GLDN: variants seen among roughly 807,000 people sequenced by gnomAD.
GLDN encodes gliomedin, also known as collomin.
In GLDN, 47 loss-of-function variants were observed where a neutral mutation model predicts 56.5. That is an observed-to-expected ratio of 0.83 (90% CI 0.66 to 1.06). The LOEUF (loss-of-function observed/expected upper bound fraction) is 1.06, where lower values mean the gene tolerates loss of function less well. Among genes scored for constraint, GLDN ranks in the 50% least tolerant of loss-of-function variants. GLDN has a pLI of 0.00. For missense variants in GLDN, 782 were observed against 714.3 expected, an observed-to-expected ratio of 1.09 and a Z score of -1.08; for synonymous variants, 332 against 278.8, an observed-to-expected ratio of 1.19 and a Z score of -1.90.
At chr15:51,367,524 G>GCGGAGC (rs1370987659) in intron 1 of GLDN, 1 of 152,222 alleles carries the variant, frequency 6.6e-6, no homozygotes, top group East Asian at 1.9e-4. Context: ...AATGATGGAG[G>GCGGAGC]CGGAGCGGGA....
rs1249655214 is a variant in GLDN at position 51,400,254 on chromosome 15, G to A, written c.880G>A (p.Glu294Lys). Residue 294 changes from glutamate to lysine, a missense_variant, in exon 7 of 10, where the codon GAA becomes AAA. By Grantham distance (56) the Glu-to-Lys change is moderately conservative (BLOSUM62 1). Transcript: ENST00000335449. ...TGGAAAAGCTGATGAGAAAGCCAGTGAACACCATTCCCCACAAGCAGGTAT... is the reference window on the plus strand; with the variant it reads ...TGGAAAAGCTGATGAGAAAGCCAGTAAACACCATTCCCCACAAGCAGGTAT... ...LVGKADEKAS[E>K]HHSPQAESMI... is the part of the protein sequence containing the mutation. 1.9e-6 allele frequency: 3 copies of A among 1,614,066 alleles called. No homozygotes were observed. Among genetic ancestry groups the A allele is most frequent in the South Asian group, 2.2e-5 (2 of 91,068 alleles).
chr15:51,395,789 C>G (rs1321325646), intron 5 of GLDN, among the ~76,000 whole-genome samples: 1 of 152,108 alleles, frequency 6.6e-6, no homozygotes, highest in Non-Finnish European at 1.5e-5. Context: ...GCTTATAGTT[C>G]TGTAGGCTGT....
Position 51,341,713 on chromosome 15 carries a change from G to C in GLDN, c.29G>C (p.Gly10Ala). ...GCCCGAGGCGCTGAGGGAGGCCGTG[G>C]GGACGCGGGTTGGGGCCTGCGTGGC... MARGAEGGRGDAGWGLRGAL... is the reference protein window; with the variant it reads MARGAEGGRADAGWGLRGAL... Residue 10 changes from glycine (G) to alanine (A), a missense_variant, in exon 1 of 10, where the codon GGG becomes GCG. Coordinates refer to ENST00000335449, the MANE Select transcript of GLDN (RefSeq NM_181789.4). The C allele has an allele frequency of 7.0e-7, 1 of 1,430,538 alleles. No individual in the cohort carries two copies. Among genetic ancestry groups the C allele is most frequent in the Non-Finnish European group, 9.0e-7 (1 of 1,107,002 alleles). The allele number at this position is 1,430,538 out of a possible 1,614,324, so 88.6% of individuals were successfully genotyped here. A position where few individuals can be genotyped will look rare whatever the true frequency, so the allele number is the denominator to read the frequency against.
Position 51,341,790 on chromosome 15 carries a change from T to A in GLDN, c.106T>A (p.Phe36Ile). 1 of 1,510,046 alleles carries A rather than the reference T, an allele frequency of 6.6e-7. No individual in the cohort carries two copies. The highest frequency in any genetic ancestry group is 1.2e-5 in the South Asian group (1 of 81,386). The allele number at this position is 1,510,046 out of a possible 1,614,324, so 93.5% of individuals were successfully genotyped here. A position where few individuals can be genotyped will look rare whatever the true frequency, so the allele number is the denominator to read the frequency against. Residue 36 changes from phenylalanine to isoleucine, a missense_variant, in exon 1 of 10, where the codon TTC becomes ATC. Transcript: ENST00000335449. ...LSALNAAGTV[F>I]ALCQWRGLSS... ...GGCGCTCAACGCTGCGGGCACGGTG[T>A]TCGCGCTGTGCCAGTGGCGCGGGCT...
At chr15:51,355,723 C>T (rs1327456990) in intron 1 of GLDN, among the ~76,000 whole-genome samples, 4 of 149,592 alleles carry the variant, frequency 2.7e-5, no homozygotes, top group African/African-American at 4.9e-5. Flanking sequence ...CGGGGTTTCA[C>T]CGTGTTAGCC....
downstream of GLDN, among the ~76,000 whole-genome samples, chr15:51,410,262 A>C (rs894776268): frequency 2.0e-5 from 3 of 152,234 alleles, no homozygotes; most frequent in Non-Finnish European, 4.4e-5. Context: ...GAACACTGCG[A>C]TGCACTCACA....
At chr15:51,388,168 C>T (rs2037940856) in intron 4 of GLDN, among the ~76,000 whole-genome samples, 1 of 152,150 alleles carries the variant, frequency 6.6e-6, no homozygotes, top group African/African-American at 2.4e-5. Context: ...GTGTCTAGCC[C>T]CTGTCTCACC....
At chr15:51,381,039 T>G (rs2037746827) in intron 2 of GLDN, among the ~76,000 whole-genome samples, 1 of 152,198 alleles carries the variant, frequency 6.6e-6, no homozygotes, top group African/African-American at 2.4e-5. Context: ...TATCTGCATT[T>G]ACTAGGCATT....
At chr15:51,357,099 C>G (rs148231485) in intron 1 of GLDN, among the ~76,000 whole-genome samples, 7 of 152,312 alleles carry the variant, frequency 4.6e-5, no homozygotes, top group South Asian at 2.1e-4. Context: ...ATTAATTATA[C>G]TAAGCATAAT....
intron 4 of GLDN, chr15:51,384,685 A>G (rs1256220298): frequency 6.6e-6 from 1 of 152,562 alleles, no homozygotes; most frequent in Non-Finnish European, 1.5e-5. Context: ...AAGCTGGCAC[A>G]TGCTGTGGTG....
chr15:51,377,456 T>C lies in GLDN; in HGVS notation c.371T>C (p.Val124Ala). 1 of 1,613,750 alleles carries C rather than the reference T, an allele frequency of 6.2e-7. No individual in the cohort carries two copies. The highest frequency in any genetic ancestry group is 1.1e-5 in the South Asian group (1 of 91,050). The change falls in exon 2 of 10, where the codon GTG becomes GCG. Residue 124 changes from valine (V) to alanine (A), a missense_variant. Coordinates refer to ENST00000335449, the MANE Select transcript of GLDN (RefSeq NM_181789.4). The part of the protein sequence containing the change: ...MMTYSMVPIR[V>A]MVDLCNSTKG... ...ACCCTCTCTCCCCTGCAGATCCGAG[T>C]GATGGTGGACCTGTGCAACAGCACC...
At chr15:51,352,309 T>A (rs1256940068) in intron 1 of GLDN, among the ~76,000 whole-genome samples, 5 of 152,156 alleles carry the variant, frequency 3.3e-5, no homozygotes, top group African/African-American at 4.8e-5. Flanking sequence ...TTAATCCTAT[T>A]TATGTAGGCT....
chr15:51,367,613 C>T (rs2037432367), intron 1 of GLDN: 1 of 152,292 alleles, frequency 6.6e-6, no homozygotes, highest in African/African-American at 2.4e-5. Context: ...AAACAAATGA[C>T]TCGAGAATAA....
chr15:51,381,691 C>A (rs186819074), intron 2 of GLDN, among the ~76,000 whole-genome samples: 1 of 152,144 alleles, frequency 6.6e-6, no homozygotes, highest in East Asian at 1.9e-4. Flanking sequence ...GAATGTCTAG[C>A]TTTCTCTACA....
intron 2 of GLDN, among the ~76,000 whole-genome samples, chr15:51,380,502 G>C (rs1430659518): frequency 6.6e-6 from 1 of 152,194 alleles, no homozygotes; most frequent in Non-Finnish European, 1.5e-5. Context: ...TCTTCCAGAT[G>C]TCAGGCCCCT....
At chr15:51,351,429 C>T (rs2037074794) in intron 1 of GLDN, among the ~76,000 whole-genome samples, 1 of 152,180 alleles carries the variant, frequency 6.6e-6, no homozygotes, top group Non-Finnish European at 1.5e-5. Flanking sequence ...TACCTGAAAA[C>T]TGTCTCTCCA....
At chr15:51,366,712 T>G (rs1053912072) in intron 1 of GLDN, among the ~76,000 whole-genome samples, 3 of 152,248 alleles carry the variant, frequency 2.0e-5, no homozygotes, top group African/African-American at 7.2e-5. Context: ...GTGTTTGAGA[T>G]CAGTCTGGGC....
chr15:51,355,807 G>A (rs1457459536), intron 1 of GLDN, among the ~76,000 whole-genome samples: 35 of 150,702 alleles, frequency 2.3e-4, no homozygotes, highest in African/African-American at 4.9e-4. Flanking sequence ...ACAGGCGTGA[G>A]CCACCACACC....
chr15:51,341,946 A>G lies in GLDN; in HGVS notation c.262A>G (p.Ser88Gly), dbSNP rs760702995. Residue 88 changes from serine (S) to glycine (G), a missense_variant, in exon 1 of 10, where the codon AGC (serine) becomes GGC (glycine). Transcript: ENST00000335449. ...GTCCGCACCACCCCAAGACCCGGCC[A>G]GCTCAGCTCGCAACAAGCGCAGCCA... ...GASAPPQDPA[S>G]SARNKRSHSG... The G allele has an allele frequency of 4.4e-6, 7 of 1,597,260 alleles. No individual in the cohort carries two copies. The highest frequency in any genetic ancestry group is 2.2e-5 in the South Asian group (2 of 91,032).
Sources: gnomAD v4.1 joint callset for allele counts (sites outside exome capture counted in the v4.1 genomes callset) on GRCh38, gnomAD v4.1.1 for gene constraint, MANE v1.5 for transcripts, NCBI Gene and HGNC (gene_info 2026-07-23, HGNC 2026-07-21) for gene names.